SUPT3H: variants seen among roughly 807,000 people sequenced by gnomAD.
The protein encoded by SUPT3H is SPT3 homolog, SAGA and STAGA complex component, also known as transcription initiation protein SPT3 homolog.
In SUPT3H, 44 loss-of-function variants were observed where a neutral mutation model predicts 44.3. That is an observed-to-expected ratio of 0.99 (90% CI 0.78 to 1.28). The LOEUF is 1.28. Ranked by LOEUF, SUPT3H falls within the 50% of genes most tolerant of loss-of-function variation. SUPT3H has a pLI of 0.00. For missense variants in SUPT3H, 380 were observed against 387.1 expected, an observed-to-expected ratio of 0.98 and a Z score of 0.15; for synonymous variants, 124 against 125.6, an observed-to-expected ratio of 0.99 and a Z score of 0.09.
intron 2 of SUPT3H, among the ~76,000 whole-genome samples, chr6:45,346,408 C>A (rs1790873328): frequency 6.6e-6 from 1 of 152,044 alleles, no homozygotes; most frequent in Admixed American, 6.6e-5. Context: ...AGCAGCCCCA[C>A]AGGCAACTTC....
chr6:45,113,801 G>C (rs903773991), intron 2 of SUPT3H, among the ~76,000 whole-genome samples: 15 of 140,620 alleles, frequency 1.1e-4, no homozygotes, highest in South Asian at 4.4e-4. Flanking sequence ...TTGCACTCCA[G>C]CCTGGGCGAC....
chr6:45,276,973 A>C (rs533291469), intron 2 of SUPT3H, among the ~76,000 whole-genome samples: 1 of 152,300 alleles, frequency 6.6e-6, no homozygotes, highest in South Asian at 2.1e-4. Flanking sequence ...CAAAGATAAA[A>C]CACATTTCTA....
intron 2 of SUPT3H, among the ~76,000 whole-genome samples, chr6:45,301,514 C>G (rs1360651786): frequency 6.6e-6 from 1 of 152,024 alleles, no homozygotes; most frequent in Non-Finnish European, 1.5e-5. Flanking sequence ...TGCTTCATCT[C>G]TGCTTGAAAT....
chr6:45,369,629 C>G (rs1406673665), intron 1 of SUPT3H, among the ~76,000 whole-genome samples: 1 of 152,100 alleles, frequency 6.6e-6, no homozygotes, highest in African/African-American at 2.4e-5. Flanking sequence ...AAGACACACT[C>G]TTATTTAAAG....
At chr6:44,826,292 C>CTCTCT (rs1181064402), downstream of SUPT3H, among the ~76,000 whole-genome samples, 1 of 152,308 alleles carries the variant, frequency 6.6e-6, no homozygotes, top group African/African-American at 2.4e-5. Flanking sequence ...GAGTTCCCTG[C>CTCTCT]TCTCTTCTCA....
intron 2 of SUPT3H, among the ~76,000 whole-genome samples, chr6:45,282,391 AG>A (rs1778301190): frequency 6.6e-6 from 1 of 152,232 alleles, no homozygotes; most frequent in South Asian, 2.1e-4. Flanking sequence ...AAGTCCTTAA[AG>A]GACCTGATGG....
rs1032967299 is a variant in SUPT3H at position 45,227,055 on chromosome 6, T to G, written c.102-121049A>C. ...TATATATTTAGTAGAGAAAAGGTTTTGCTATTCTCAAACTCCTGAGCTCAA... is the reference window on the plus strand; with the variant it reads ...TATATATTTAGTAGAGAAAAGGTTTGGCTATTCTCAAACTCCTGAGCTCAA... On this transcript the variant is annotated intron_variant, in intron 2 of 10. Transcript: ENST00000371459. Among the ~76,000 whole-genome samples the G allele has an allele frequency of 8.0e-5, 12 of 150,604 alleles. No individual in the cohort carries two copies. In the East Asian group the frequency reaches 2.1e-3, roughly 27 times the overall value.
chr6:44,944,246 C>T (rs1057449648), intron 9 of SUPT3H, among the ~76,000 whole-genome samples: 1 of 151,504 alleles, frequency 6.6e-6, no homozygotes, highest in Non-Finnish European at 1.5e-5. Flanking sequence ...GTAATTCTTA[C>T]CATGACTACT....
At chr6:45,045,332 T>C (rs1024201564) in intron 3 of SUPT3H, among the ~76,000 whole-genome samples, 1 of 152,192 alleles carries the variant, frequency 6.6e-6, no homozygotes, top group Non-Finnish European at 1.5e-5. Context: ...GAACACACTG[T>C]CCTTCAAGCC....
chr6:45,253,141 T>C (rs76538869), intron 2 of SUPT3H, among the ~76,000 whole-genome samples: 3,192 of 152,240 alleles, frequency 0.021, 116 homozygotes, highest in African/African-American at 0.072. Context: ...TATAAGTTTA[T>C]TATTTCAAAT....
intron 6 of SUPT3H, among the ~76,000 whole-genome samples, chr6:44,973,826 G>GTTC (rs1170440775): frequency 2.6e-5 from 4 of 152,134 alleles, no homozygotes; most frequent in Admixed American, 2.0e-4. Context: ...GCAGCAAAGA[G>GTTC]GAGAAGCCCC....
At chr6:44,901,115 C>T (rs1178312249) in intron 10 of SUPT3H, among the ~76,000 whole-genome samples, 1 of 151,772 alleles carries the variant, frequency 6.6e-6, no homozygotes, top group African/African-American at 2.4e-5. Flanking sequence ...AATCAGAGCA[C>T]CTCTCCTCCT....
chr6:45,033,293 C>T (rs1245680463), intron 3 of SUPT3H, among the ~76,000 whole-genome samples: 1 of 152,060 alleles, frequency 6.6e-6, no homozygotes, highest in African/African-American at 2.4e-5. Flanking sequence ...GTGGTTGAAC[C>T]TAAAATAAAA....
chr6:44,957,612 A>C (rs1775405191), intron 7 of SUPT3H, among the ~76,000 whole-genome samples: 1 of 152,100 alleles, frequency 6.6e-6, no homozygotes, highest in Non-Finnish European at 1.5e-5. Context: ...GATCATTATT[A>C]ATATTCAGTT....
At chr6:45,269,106 A>C (rs1775718040) in intron 2 of SUPT3H, among the ~76,000 whole-genome samples, 2 of 152,206 alleles carry the variant, frequency 1.3e-5, no homozygotes, top group Non-Finnish European at 2.9e-5. Flanking sequence ...AAAGAAAGAA[A>C]TTTGAGCAGC....
chr6:45,268,392 T>C lies in SUPT3H; in HGVS notation c.101+96809A>G, dbSNP rs558644471. Among the ~76,000 whole-genome samples the C allele has an allele frequency of 3.9e-5, 6 of 152,226 alleles. No individual in the cohort carries two copies. The South Asian group carries it at 8.3e-4, about 21-fold the overall frequency. ...TACATGATTTACAGATCTGCCTAAA[T>C]AGAGTAAAAACAACAACAAAAAACA... On this transcript the variant is annotated intron_variant, in intron 2 of 10. Transcript: ENST00000371459.
intron 10 of SUPT3H, among the ~76,000 whole-genome samples, chr6:44,929,242 T>C (rs1227690787): frequency 2.0e-5 from 3 of 152,168 alleles, no homozygotes; most frequent in Non-Finnish European, 2.9e-5. Flanking sequence ...ATTGATCATG[T>C]CATTTGGTAT....
At chr6:44,878,226 A>C (rs917409692) in intron 10 of SUPT3H, among the ~76,000 whole-genome samples, 4 of 152,172 alleles carry the variant, frequency 2.6e-5, no homozygotes, top group African/African-American at 9.7e-5. Context: ...GTTTTATTTG[A>C]AATTGTTTTC....
chr6:45,220,160 G>A lies in SUPT3H; in HGVS notation c.102-114154C>T, dbSNP rs191528914. The stretch of plus-strand genomic sequence containing the variant: ...TATAAACTGAAACTAAAACCAGACA[G>A]AAAAAGATTATTGCAGACCATCTTC... On this transcript the variant is annotated intron_variant, in intron 2 of 10. Coordinates refer to ENST00000371459, the MANE Select transcript of SUPT3H (RefSeq NM_003599.4). Among the ~76,000 whole-genome samples the A allele has an allele frequency of 7.5e-3, 1,044 of 139,626 alleles. 8 individuals are homozygous for A. The highest frequency in any genetic ancestry group is 9.2e-3 in the Non-Finnish European group (586 of 64,032). The allele number at this position is 139,626 out of a possible 152,430, so 91.6% of individuals were successfully genotyped here.
Sources: allele counts gnomAD v4.1 joint callset (sites outside exome capture counted in the v4.1 genomes callset), GRCh38; gene constraint gnomAD v4.1.1; transcripts MANE v1.5; gene names NCBI Gene and HGNC (gene_info 2026-07-23, HGNC 2026-07-21).